FLVCR1: variants seen among roughly 807,000 people sequenced by gnomAD.
The protein encoded by FLVCR1 is FLVCR choline and heme transporter 1, also known as choline/ethanolamine transporter FLVCR1.
A neutral mutation model predicts 53.6 loss-of-function variants in FLVCR1; 34 were observed. That is an observed-to-expected ratio of 0.63 (90% confidence interval 0.48 to 0.84). The LOEUF is 0.84. Ranked by LOEUF, FLVCR1 falls within the 40% of genes least tolerant of loss-of-function variation. The pLI is 0.00. For synonymous variants in FLVCR1, 300 were observed against 286.3 expected (o/e 1.05, Z -0.48); for missense variants, 677 against 696.7 (o/e 0.97, Z 0.32).
At chr1:212,890,036 G>GA (rs1665151922) in intron 8 of FLVCR1, among the ~76,000 whole-genome samples, 1 of 152,212 alleles carries the variant, frequency 6.6e-6, no homozygotes, top group South Asian at 2.1e-4. Context: ...AAGCAGTCAA[G>GA]TGGTAGTGGT....
At chr1:212,890,320 G>C (rs770482789) in intron 8 of FLVCR1, among the ~76,000 whole-genome samples, 7 of 152,196 alleles carry the variant, frequency 4.6e-5, no homozygotes, top group Non-Finnish European at 1.0e-4. Context: ...GATGGTTTAA[G>C]TACATAGGAG....
Position 212,872,778 on chromosome 1 carries a change from G to A in FLVCR1, c.984G>A (p.Leu328=). Residue 328 remains leucine, a synonymous_variant, in exon 3 of 10, where the codon CTG becomes CTA. Transcript: ENST00000366971. ...EYSYKKSIRN[L]FKNIPFVLLL... is the part of the protein sequence containing the mutation. ...CCTATAAGAAATCAATAAGAAACCT[G>A]TTTAAAAACATTCCTTTTGTCCTTC... 1 of 1,613,872 alleles carries A rather than the reference G, an allele frequency of 6.2e-7. No individual in the cohort carries two copies. The highest frequency in any genetic ancestry group is 2.2e-5 in the East Asian group (1 of 44,850).
At chr1:212,887,697 TG>T (rs3830386) in intron 5 of FLVCR1, among the ~76,000 whole-genome samples, 193 bp from the exon 6 acceptor site, 3,497 of 152,278 alleles carry the variant, frequency 0.023, 61 homozygotes, top group South Asian at 0.041. Context: ...CGATATGGTG[TG>T]GTTTTCTGGT....
chr1:212,858,491 G>T lies in FLVCR1; in HGVS notation c.39G>T (p.Ala13=), dbSNP rs1664091987. 4.8e-6 allele frequency: 7 copies of T among 1,444,928 alleles called. No homozygotes were observed. Among genetic ancestry groups the T allele is most frequent in the Non-Finnish European group, 6.3e-6 (7 of 1,103,366 alleles). 89.5% of individuals were successfully genotyped at this position (1,444,928 alleles called of 1,614,324 possible). A position where few individuals can be genotyped will look rare whatever the true frequency, so the allele number is the denominator to read the frequency against. ...ACGATGAGGAGGGGGCGGCGGTGGC[G>T]CCCGGACACCCGCTCGCGAAAGGAT... The part of the protein sequence containing the change: ...RPDDEEGAAV[A]PGHPLAKGYL... The change falls in exon 1 of 10, where the codon GCG becomes GCT. Residue 13 remains alanine (A), a synonymous_variant. Transcript: ENST00000366971.
At chr1:212,862,258 C>G (rs1489085977) in intron 1 of FLVCR1, among the ~76,000 whole-genome samples, 1 of 152,194 alleles carries the variant, frequency 6.6e-6, no homozygotes, top group African/African-American at 2.4e-5. Context: ...ACTGTTACTT[C>G]TGTCTAGTTT....
At position 212,898,235 on chromosome 1, in the gene FLVCR1, C is replaced by G. The variant is rs1037045262; in HGVS notation, c.*2945C>G. 6.6e-6 allele frequency: 1 copy of G among 152,128 alleles called. No homozygotes were observed. Among genetic ancestry groups the G allele is most frequent in the Non-Finnish European group, 1.5e-5 (1 of 68,022 alleles). 9.4% of individuals were successfully genotyped at this position (152,128 alleles called of 1,614,324 possible). A position where few individuals can be genotyped will look rare whatever the true frequency, so the allele number is the denominator to read the frequency against. ...CTTGAATCCAGCCAGAGAAAAATTC[C>G]CTGGACAATTGGATAAACAAATGTG... On this transcript the variant is annotated 3_prime_UTR_variant, in exon 10 of 10. Coordinates refer to ENST00000366971, the MANE Select transcript of FLVCR1 (RefSeq NM_014053.4).
intron 3 of FLVCR1, among the ~76,000 whole-genome samples, chr1:212,881,362 A>T (rs1409593136): frequency 7.3e-6 from 1 of 137,462 alleles, no homozygotes; most frequent in Non-Finnish European, 1.5e-5. Flanking sequence ...TTTTTGAGAC[A>T]GAGTCTCGCT....
chr1:212,877,807 CA>C (rs1664803331), intron 3 of FLVCR1, among the ~76,000 whole-genome samples: 1 of 150,766 alleles, frequency 6.6e-6, no homozygotes, highest in Non-Finnish European at 1.5e-5. Context: ...ATACTAAAGG[CA>C]AAAGTTAGAG....
At chr1:212,873,002 A>G (rs1473860847) in intron 3 of FLVCR1, among the ~76,000 whole-genome samples, 184 bp downstream of exon 3, 1 of 152,178 alleles carries the variant, frequency 6.6e-6, no homozygotes, top group Non-Finnish European at 1.5e-5. Flanking sequence ...TTTAAAAATA[A>G]TAATTTTTAA....
rs781226710 is a variant in FLVCR1 at position 212,888,487 on chromosome 1, A to G, written c.1308-2A>G. ...TCTGTAATTCTGGATTTATTTTCCT[A>G]GCTTCTTCATGACTGGTTACCTCCC... On this transcript the variant is annotated splice_acceptor_variant, in intron 6 of 9. Transcript: ENST00000366971. LOFTEE classifies it high-confidence loss of function. 6.2e-7 allele frequency: 1 copy of G among 1,604,228 alleles called. No homozygotes were observed. The highest frequency in any genetic ancestry group is 8.5e-7 in the Non-Finnish European group (1 of 1,171,318).
chr1:212,865,485 ATTTTTT>A (rs58544929), intron 2 of FLVCR1, among the ~76,000 whole-genome samples: 4 of 133,682 alleles, frequency 3.0e-5, no homozygotes, highest in Non-Finnish European at 3.1e-5. Context: ...TGCAATAGGG[ATTTTTT>A]TTTTTTTTTG....
In FLVCR1 at chr1:212,875,577, T is replaced by A. The variant is rs1049607168; in HGVS notation, c.1024+2759T>A. On this transcript the variant is annotated intron_variant, in intron 3 of 9. Coordinates refer to ENST00000366971, the MANE Select transcript of FLVCR1 (RefSeq NM_014053.4). ...ACTTACTGGGGCTGGGCACAGTGGC[T>A]CACTCCTGTAATCCCAACACTTTGG... Among the ~76,000 whole-genome samples, 20 of 152,206 alleles carry A rather than the reference T, an allele frequency of 1.3e-4. 1 individual carries two copies. Among genetic ancestry groups the A allele is most frequent in the Non-Finnish European group, 2.4e-4 (16 of 68,026 alleles).
Position 212,859,020 on chromosome 1 carries a change from A to C in FLVCR1, c.568A>C (p.Ile190Leu). ...GSGLNCLGAWIKCGSVQQHLF... is the reference protein window; with the variant it reads ...GSGLNCLGAWLKCGSVQQHLF... ...CGGCCTCAACTGCCTGGGTGCCTGG[A>C]TCAAGTGCGGCAGTGTGCAGCAGCA... Residue 190 changes from isoleucine (I) to leucine (L), a missense_variant, in exon 1 of 10, where the codon ATC (isoleucine) becomes CTC (leucine). Coordinates refer to ENST00000366971, the MANE Select transcript of FLVCR1 (RefSeq NM_014053.4). 2 of 1,612,304 alleles carry C rather than the reference A, an allele frequency of 1.2e-6. No individual in the cohort carries two copies. Among genetic ancestry groups the C allele is most frequent in the South Asian group, 2.2e-5 (2 of 91,036 alleles).
intron 1 of FLVCR1, among the ~76,000 whole-genome samples, chr1:212,859,657 G>T (rs1245749567): frequency 6.6e-6 from 1 of 152,044 alleles, no homozygotes; most frequent in Non-Finnish European, 1.5e-5. Context: ...GGTGGAGGTT[G>T]CAGTGAGCGG....
intron 8 of FLVCR1, among the ~76,000 whole-genome samples, chr1:212,891,031 C>A (rs1665178223): frequency 6.6e-6 from 1 of 152,154 alleles, no homozygotes; most frequent in Non-Finnish European, 1.5e-5. Context: ...ATATGTAATA[C>A]ATTAACTGCT....
At chr1:212,880,795 T>TAA (rs36005550) in intron 3 of FLVCR1, among the ~76,000 whole-genome samples, 1,966 of 142,074 alleles carry the variant, frequency 0.014, 27 homozygotes, top group South Asian at 0.028. Flanking sequence ...GACTCTTTAT[T>TAA]AAAAAAAAAA....
intron 1 of FLVCR1, among the ~76,000 whole-genome samples, chr1:212,861,419 C>A (rs1418397916): frequency 6.6e-6 from 1 of 152,158 alleles, no homozygotes; most frequent in Non-Finnish European, 1.5e-5. Flanking sequence ...GGTGCTCCCC[C>A]AAAGTACTCT....
chr1:212,859,111 T>C lies in FLVCR1; in HGVS notation c.659T>C (p.Leu220Ser), dbSNP rs1376226578. 3.7e-6 allele frequency: 6 copies of C among 1,613,822 alleles called. No homozygotes were observed. The highest frequency in any genetic ancestry group is 5.1e-6 in the Non-Finnish European group (6 of 1,180,032). ...GTGGCCCAGGTGTTCATCCTGGGCT[T>C]GCCCTCCCGCATCGCCTCAGTGTGG... ...CSVAQVFILG[L>S]PSRIASVWFG... Residue 220 changes from leucine to serine, a missense_variant, in exon 1 of 10, where the codon TTG becomes TCG. Physicochemically the swap from Leu to Ser is moderately radical, Grantham distance 145 (BLOSUM62 -2). Coordinates refer to ENST00000366971, the MANE Select transcript of FLVCR1 (RefSeq NM_014053.4).
chr1:212,872,199 T>A (rs4951645), intron 2 of FLVCR1, among the ~76,000 whole-genome samples: 70,456 of 152,016 alleles, frequency 0.46, 17,570 homozygotes, highest in East Asian at 0.56. Context: ...ACTGCAGCCT[T>A]GACCTCCCAG....
Sources: gnomAD v4.1 joint callset for allele counts (sites outside exome capture counted in the v4.1 genomes callset) on GRCh38, gnomAD v4.1.1 for gene constraint, MANE v1.5 for transcripts, NCBI Gene and HGNC (gene_info 2026-07-23, HGNC 2026-07-21) for gene names.